The following ATRNL1 variants were observed in gnomAD, a reference collection of about 807,000 sequenced individuals.
The protein encoded by ATRNL1 is attractin-like protein 1.
A neutral mutation model predicts 182.7 loss-of-function variants in ATRNL1; 95 were observed. The observed-to-expected ratio is 0.52, with a 90% CI of 0.44 to 0.62. The LOEUF is 0.62. ATRNL1 is among the 20% of genes least tolerant of loss of function. ATRNL1 has a pLI of 0.00. For synonymous variants in ATRNL1, 576 were observed against 568.3 expected, an observed-to-expected ratio of 1.01 and a Z score of -0.19; for missense variants, 1,471 against 1,679.5, an observed-to-expected ratio of 0.88 and a Z score of 2.17.
intron 28 of ATRNL1, among the ~76,000 whole-genome samples, chr10:115,913,138 TAA>T (rs1268840853): frequency 6.6e-6 from 1 of 152,244 alleles, no homozygotes; most frequent in Non-Finnish European, 1.5e-5. Context: ...CTTTATGAAC[TAA>T]ATTGCAGTAT....
At chr10:115,199,639 G>A (rs1235563451) in intron 8 of ATRNL1, among the ~76,000 whole-genome samples, 3 of 152,118 alleles carry the variant, frequency 2.0e-5, no homozygotes, top group Admixed American at 2.0e-4. Flanking sequence ...TGATATCTGT[G>A]TAGATAATGT....
intron 21 of ATRNL1, among the ~76,000 whole-genome samples, chr10:115,431,113 G>A (rs1230877238): frequency 6.6e-6 from 1 of 152,158 alleles, no homozygotes; most frequent in South Asian, 2.1e-4. Flanking sequence ...AGATTGAAAA[G>A]ATATAATATT....
At chr10:115,403,257 C>CATTT (rs782077494) in intron 20 of ATRNL1, among the ~76,000 whole-genome samples, 2 of 107,470 alleles carry the variant, frequency 1.9e-5, no homozygotes, top group Non-Finnish European at 3.4e-5. Context: ...TTACTCTCAT[C>CATTT]TTTTTTTTTT....
chr10:115,298,655 A>G (rs2133970795), intron 15 of ATRNL1, among the ~76,000 whole-genome samples: 1 of 152,286 alleles, frequency 6.6e-6, no homozygotes, highest in East Asian at 1.9e-4. Context: ...TATGAAATAT[A>G]TGCTGGTCAC....
intron 26 of ATRNL1, among the ~76,000 whole-genome samples, chr10:115,626,621 A>G (rs1403187967): frequency 1.3e-5 from 2 of 152,112 alleles, no homozygotes; most frequent in African/African-American, 4.8e-5. Flanking sequence ...TCTACTTTTC[A>G]TCTTATTCAA....
chr10:115,366,412 C>G (rs1442766583), intron 19 of ATRNL1, among the ~76,000 whole-genome samples: 1 of 152,044 alleles, frequency 6.6e-6, no homozygotes, highest in Non-Finnish European at 1.5e-5. Context: ...CTATGTGTGT[C>G]TCTACACGTG....
chr10:115,236,566 T>C (rs1850190031), intron 9 of ATRNL1, among the ~76,000 whole-genome samples: 1 of 152,238 alleles, frequency 6.6e-6, no homozygotes. Context: ...ATTTTTTGTT[T>C]GTTTGTTTTG....
chr10:115,796,214 C>T (rs1949650661), intron 27 of ATRNL1, among the ~76,000 whole-genome samples: 1 of 151,888 alleles, frequency 6.6e-6, no homozygotes, highest in African/African-American at 2.4e-5. Flanking sequence ...TTAAAACAGG[C>T]AACTGCCATA....
Position 115,286,345 on chromosome 10 carries a change from C to T in ATRNL1, c.2363C>T (p.Thr788Ile). The change falls in exon 15 of 29, where the codon ACC becomes ATC. Residue 788 changes from threonine (T) to isoleucine (I), a missense_variant. By Grantham distance (89) the Thr-to-Ile change is moderately conservative. Transcript: ENST00000355044. Reference protein sequence around the residue: ...NLSGNLASLTTSKEVEFVLDE... With the variant: ...NLSGNLASLTISKEVEFVLDE... ...AGTGGAAATCTTGCTTCATTAACAA[C>T]CTCAAAAGAAGTAGAATTTGTTCTG... The T allele has an allele frequency of 3.7e-6, 6 of 1,607,062 alleles. No homozygotes were observed. Among genetic ancestry groups the T allele is most frequent in the South Asian group, 1.1e-5 (1 of 90,508 alleles).
At chr10:115,708,576 C>T (rs1481484140) in intron 26 of ATRNL1, among the ~76,000 whole-genome samples, 1 of 151,720 alleles carries the variant, frequency 6.6e-6, no homozygotes, top group African/African-American at 2.4e-5. Flanking sequence ...TTTCAAGTGA[C>T]ATTATATTTG....
intron 24 of ATRNL1, among the ~76,000 whole-genome samples, chr10:115,500,635 C>CT (rs2133629405): frequency 6.6e-6 from 1 of 150,982 alleles, no homozygotes; most frequent in South Asian, 2.1e-4. Context: ...CCTCTGCCTC[C>CT]GGATTCAAGC....
intron 17 of ATRNL1, among the ~76,000 whole-genome samples, chr10:115,311,628 C>G (rs1554927851): frequency 6.6e-6 from 1 of 152,040 alleles, no homozygotes; most frequent in Non-Finnish European, 1.5e-5. Flanking sequence ...CTGTTAAGTC[C>G]ATTTGTTCTA....
chr10:115,160,104 C>T lies in ATRNL1; in HGVS notation c.894C>T (p.Pro298=). 2 of 1,612,332 alleles carry T rather than the reference C, an allele frequency of 1.2e-6. No homozygotes were observed. Among genetic ancestry groups the T allele is most frequent in the Non-Finnish European group, 1.7e-6 (2 of 1,179,130 alleles). Reference sequence around the variant, plus strand: ...ACTGGATTCTGCCAAACGTTAAACCCTTCAGTCCTTCTGTAGGTCGGGCTT... The same window carrying T: ...ACTGGATTCTGCCAAACGTTAAACCTTTCAGTCCTTCTGTAGGTCGGGCTT... ...ESYWILPNVK[P]FSPSVGRASH... Residue 298 remains proline, a synonymous_variant, in exon 6 of 29, where the codon CCC becomes CCT. Transcript: ENST00000355044.
At chr10:115,624,562 A>G (rs949529854) in intron 26 of ATRNL1, among the ~76,000 whole-genome samples, 2 of 152,136 alleles carry the variant, frequency 1.3e-5, no homozygotes, top group Non-Finnish European at 2.9e-5. Context: ...CCTGGAGCCA[A>G]TTTGTAGGAG....
intron 18 of ATRNL1, among the ~76,000 whole-genome samples, chr10:115,329,083 T>C (rs1396857713): frequency 3.9e-5 from 6 of 152,090 alleles, no homozygotes; most frequent in Non-Finnish European, 7.4e-5. Flanking sequence ...ATAAAAAATG[T>C]ATAGAGTTCC....
chr10:115,225,856 G>A (rs1226143732), intron 9 of ATRNL1, among the ~76,000 whole-genome samples: 1 of 150,454 alleles, frequency 6.6e-6, no homozygotes, highest in Non-Finnish European at 1.5e-5. Context: ...TTTTCTTTTG[G>A]AAATTGACAT....
chr10:115,398,401 G>T (rs972899627), intron 20 of ATRNL1, among the ~76,000 whole-genome samples: 1 of 151,832 alleles, frequency 6.6e-6, no homozygotes, highest in African/African-American at 2.4e-5. Context: ...TTTGTGCAGT[G>T]GTTTTTAGTT....
intron 21 of ATRNL1, among the ~76,000 whole-genome samples, chr10:115,440,150 C>A (rs1554965447): frequency 1.3e-5 from 2 of 151,132 alleles, no homozygotes; most frequent in Non-Finnish European, 3.0e-5. Flanking sequence ...TGTTTTTTAA[C>A]ATAACTCCAT....
intron 21 of ATRNL1, among the ~76,000 whole-genome samples, chr10:115,456,993 G>A (rs1367475075): frequency 1.3e-5 from 2 of 152,130 alleles, no homozygotes; most frequent in African/African-American, 4.8e-5. Flanking sequence ...GTGGAATGAA[G>A]TGTTACAGCT....
Sources: allele counts gnomAD v4.1 joint callset (sites outside exome capture counted in the v4.1 genomes callset), GRCh38; gene constraint gnomAD v4.1.1; transcripts MANE v1.5; gene names NCBI Gene and HGNC (gene_info 2026-07-23, HGNC 2026-07-21).